Variants in MMP26 observed in about 807,000 individuals in gnomAD.
MMP26 encodes the protein matrix metallopeptidase 26.
Under a neutral mutation model 31.0 loss-of-function variants are expected in MMP26, and 33 were observed. The ratio of observed to expected loss-of-function variants is 1.06; its 90% CI spans 0.81 to 1.42. The LOEUF is 1.42. MMP26 is among the 40% of genes most tolerant of loss of function. The pLI is 0.00. For missense variants in MMP26, 347 were observed against 316.1 expected, an observed-to-expected ratio of 1.10 and a Z score of -0.74; for synonymous variants, 122 against 114.9, an observed-to-expected ratio of 1.06 and a Z score of -0.40.
chr11:4,730,427 A>AGAGAGAGAGAGAGAGAGAGG (rs1471980358), intron 1 of MMP26, among the ~76,000 whole-genome samples: 1 of 151,984 alleles, frequency 6.6e-6, no homozygotes, highest in African/African-American at 2.4e-5. Flanking sequence ...AGAGAGAGAG[A>AGAGAGAGAGAGAGAGAGAGG]GAGCAAGCGA....
intron 1 of MMP26, among the ~76,000 whole-genome samples, chr11:4,727,478 T>A (rs2133280847): frequency 6.6e-6 from 1 of 152,316 alleles, no homozygotes; most frequent in Admixed American, 6.5e-5. Flanking sequence ...TTTTTTAAAA[T>A]GTTTGGTTTA....
chr11:4,858,894 A>G (rs1850099645), intron 2 of MMP26, among the ~76,000 whole-genome samples: 1 of 152,186 alleles, frequency 6.6e-6, no homozygotes, highest in South Asian at 2.1e-4. Context: ...ACGGAACAGA[A>G]CAGAGCCCTC....
In MMP26 at chr11:4,992,114, A is replaced by T. The variant is rs762101817; in HGVS notation, c.746A>T (p.Gln249Leu). ...AGTGCCGATGATATCCAAAGGATCC[A>T]GCATTTGTATGGTCTGTGCTGCTTA... ...QLSADDIQRI[Q>L]HLYGEKCSSD... Residue 249 changes from glutamine to leucine, a missense_variant, in exon 7 of 8, where the codon CAG becomes CTG. By Grantham distance (113) the Gln-to-Leu change is moderately radical (BLOSUM62 -2). Transcript: ENST00000380390. 2.5e-6 allele frequency: 4 copies of T among 1,613,290 alleles called. No homozygotes were observed. In the Admixed American group the frequency reaches 5.0e-5, roughly 20 times the overall value.
intron 1 of MMP26, among the ~76,000 whole-genome samples, chr11:4,750,303 C>T (rs1848431954): frequency 6.6e-6 from 1 of 152,032 alleles, no homozygotes; most frequent in Non-Finnish European, 1.5e-5. Context: ...GAAAAGAGAA[C>T]ATTTACACAC....
At chr11:4,720,054 T>G (rs985504541) in intron 1 of MMP26, among the ~76,000 whole-genome samples, 1 of 152,172 alleles carries the variant, frequency 6.6e-6, no homozygotes, top group Non-Finnish European at 1.5e-5. Flanking sequence ...TTCCAAATAT[T>G]TTTACTTTCC....
chr11:4,974,191 A>C (rs1007455221), intron 2 of MMP26, among the ~76,000 whole-genome samples: 2 of 152,106 alleles, frequency 1.3e-5, no homozygotes, highest in African/African-American at 4.8e-5. Context: ...TATACAGGCG[A>C]ACATTATCCA....
chr11:4,851,168 A>C (rs920498653), intron 2 of MMP26, among the ~76,000 whole-genome samples: 1 of 152,218 alleles, frequency 6.6e-6, no homozygotes, highest in Non-Finnish European at 1.5e-5. Flanking sequence ...TTTGGAAAAT[A>C]ACAGCCAGTT....
chr11:4,931,052 G>C (rs1851339651), intron 2 of MMP26, among the ~76,000 whole-genome samples: 1 of 151,832 alleles, frequency 6.6e-6, no homozygotes, highest in African/African-American at 2.4e-5. Flanking sequence ...ATAGTAGAAA[G>C]ATAGATAAAT....
At chr11:4,912,288 C>T (rs59975458) in intron 2 of MMP26, among the ~76,000 whole-genome samples, 2,809 of 144,996 alleles carry the variant, frequency 0.019, 84 homozygotes, top group African/African-American at 0.067. Flanking sequence ...CCAAGTCACA[C>T]AGTAAGGAAG....
intron 2 of MMP26, among the ~76,000 whole-genome samples, chr11:4,826,354 A>G (rs991794707): frequency 6.6e-6 from 1 of 152,218 alleles, no homozygotes; most frequent in Admixed American, 6.5e-5. Context: ...CTACCTTGCT[A>G]GAAGACTAGT....
intron 2 of MMP26, among the ~76,000 whole-genome samples, chr11:4,963,085 C>A (rs1418418268): frequency 6.6e-6 from 1 of 152,032 alleles, no homozygotes; most frequent in East Asian, 1.9e-4. Flanking sequence ...TCCTATCTAC[C>A]AATAATAGAC....
At chr11:4,816,145 G>A (rs1187365675) in intron 2 of MMP26, among the ~76,000 whole-genome samples, 1 of 152,094 alleles carries the variant, frequency 6.6e-6, no homozygotes, top group Non-Finnish European at 1.5e-5. Context: ...TGTTCAGGAA[G>A]ATGTTGTTTA....
At chr11:4,751,889 AATG>A (rs1429552447) in intron 1 of MMP26, among the ~76,000 whole-genome samples, 1 of 152,144 alleles carries the variant, frequency 6.6e-6, no homozygotes, top group African/African-American at 2.4e-5. Flanking sequence ...ATTGCTTAGC[AATG>A]ATAATTACAT....
intron 2 of MMP26, chr11:4,938,114 T>C (rs1049573817): frequency 5.9e-5 from 9 of 151,924 alleles, no homozygotes; most frequent in Admixed American, 4.6e-4. Context: ...AAATAATACA[T>C]AGGTTCATGG....
intron 2 of MMP26, among the ~76,000 whole-genome samples, chr11:4,810,837 T>C (rs1849340166): frequency 6.6e-6 from 1 of 152,248 alleles, no homozygotes; most frequent in African/African-American, 2.4e-5. Context: ...TTAAATCTAA[T>C]GTTTTTAATC....
At chr11:4,821,453 C>T in intron 2 of MMP26, 1 of 1,613,778 alleles carries the variant, frequency 6.2e-7, no homozygotes, top group Non-Finnish European at 8.5e-7. Context: ...ATTGCTGAGC[C>T]TCTGATCTTC....
chr11:4,890,962 G>A (rs10836912), intron 2 of MMP26, among the ~76,000 whole-genome samples: 58,413 of 144,560 alleles, frequency 0.4, 13,524 homozygotes, highest in Non-Finnish European at 0.52. Context: ...CCCCTTCCCT[G>A]ATCTGGAATG....
intron 1 of MMP26, among the ~76,000 whole-genome samples, chr11:4,764,967 A>G (rs1242533169): frequency 6.6e-6 from 1 of 152,200 alleles, no homozygotes; most frequent in Non-Finnish European, 1.5e-5. Flanking sequence ...TGAAACTTCA[A>G]GGGAGACACA....
At chr11:4,734,961 T>G (rs114506008) in intron 1 of MMP26, among the ~76,000 whole-genome samples, 1,746 of 152,234 alleles carry the variant, frequency 0.011, 46 homozygotes, top group African/African-American at 0.039. Context: ...GAGTGAGGGC[T>G]GGGTGGATGA....
Sources: gnomAD v4.1 joint callset for allele counts (sites outside exome capture counted in the v4.1 genomes callset) on GRCh38, gnomAD v4.1.1 for gene constraint, MANE v1.5 for transcripts, NCBI Gene and HGNC (gene_info 2026-07-23, HGNC 2026-07-21) for gene names.